ZC3H7A: variants seen among roughly 807,000 people sequenced by gnomAD.
ZC3H7A encodes the protein zinc finger CCCH domain-containing protein 7A.
Under a neutral mutation model 125.5 loss-of-function variants are expected in ZC3H7A, and 44 were observed. That is an observed-to-expected ratio of 0.35 (90% CI 0.28 to 0.45). The LOEUF is 0.45. Ranked by LOEUF, ZC3H7A falls within the 20% of genes least tolerant of loss-of-function variation. The pLI, the probability that ZC3H7A is intolerant of heterozygous loss-of-function variation, is 1.00. For synonymous variants in ZC3H7A, 399 were observed against 391.2 expected, an observed-to-expected ratio of 1.02 and a Z score of -0.23; for missense variants, 977 against 1,170.7, an observed-to-expected ratio of 0.83 and a Z score of 2.41.
chr16:11,780,251 G>C (rs1205423761), intron 3 of ZC3H7A, among the ~76,000 whole-genome samples: 2 of 151,600 alleles, frequency 1.3e-5, no homozygotes, highest in Non-Finnish European at 2.9e-5. Flanking sequence ...CTCCCGAGTA[G>C]CTGGGATTAC....
At chr16:11,787,669 G>A (rs2053279311) in intron 1 of ZC3H7A, among the ~76,000 whole-genome samples, 1 of 152,042 alleles carries the variant, frequency 6.6e-6, no homozygotes, top group Non-Finnish European at 1.5e-5. Context: ...GGACTGGCCA[G>A]GCACAGTGGC....
chr16:11,795,260 G>C (rs1256221861), intron 1 of ZC3H7A, among the ~76,000 whole-genome samples: 1 of 152,218 alleles, frequency 6.6e-6, no homozygotes, highest in East Asian at 1.9e-4. Flanking sequence ...TGGATTCTTT[G>C]AGAGCTTAAG....
chr16:11,795,710 T>TACAGACGTTGAGCC (rs1436879259), intron 1 of ZC3H7A, among the ~76,000 whole-genome samples: 14 of 152,088 alleles, frequency 9.2e-5, no homozygotes, highest in African/African-American at 3.4e-4. Context: ...GTGCTGGGAT[T>TACAGACGTTGAGCC]ACAGACGTTG....
In ZC3H7A at chr16:11,782,396, G is replaced by C. The variant is rs754755201; in HGVS notation, c.-34-8C>G. The C allele has an allele frequency of 2.5e-6, 4 of 1,612,106 alleles. No individual in the cohort carries two copies. Among genetic ancestry groups the C allele is most frequent in the Middle Eastern group, 1.7e-4 (1 of 6,048 alleles). ...ACTTTCTAAATGAGCAATCTGGAAA[G>C]AAACAAGGCAAAAAAGCACATAAGG... is the stretch of plus-strand genomic sequence containing the variant. On this transcript the variant is annotated splice_region_variant and splice_polypyrimidine_tract_variant and intron_variant, in intron 1 of 22. Coordinates refer to ENST00000355758, the MANE Select transcript of ZC3H7A (RefSeq NM_014153.4).
chr16:11,793,374 T>C (rs1347801645), intron 1 of ZC3H7A, among the ~76,000 whole-genome samples: 3 of 151,930 alleles, frequency 2.0e-5, no homozygotes, highest in South Asian at 4.1e-4. Flanking sequence ...TCTATAAAAA[T>C]GTTTAAAAAA....
At chr16:11,788,720 T>C (rs1379096441) in intron 1 of ZC3H7A, among the ~76,000 whole-genome samples, 1 of 151,756 alleles carries the variant, frequency 6.6e-6, no homozygotes, top group African/African-American at 2.4e-5. Context: ...TTCAAGCGAT[T>C]ATCCTGCCTC....
intron 1 of ZC3H7A, among the ~76,000 whole-genome samples, chr16:11,791,813 C>A (rs369318933): frequency 4.6e-5 from 7 of 152,306 alleles, no homozygotes; most frequent in African/African-American, 1.7e-4. Flanking sequence ...CGGAAAAAAA[C>A]CTGAAACCAT....
At chr16:11,761,705 T>G (rs981508874) in intron 18 of ZC3H7A, 194 bp from the exon 19 acceptor site, 3 of 854,010 alleles carry the variant, frequency 3.5e-6, no homozygotes, top group Non-Finnish European at 3.5e-6. Context: ...CTAAACAAAT[T>G]GATAAAATAC....
chr16:11,791,491 C>T (rs1306524109), intron 1 of ZC3H7A, among the ~76,000 whole-genome samples: 1 of 152,168 alleles, frequency 6.6e-6, no homozygotes, highest in Non-Finnish European at 1.5e-5. Flanking sequence ...CCCTCTTATT[C>T]ACTTCAGCAG....
intron 9 of ZC3H7A, among the ~76,000 whole-genome samples, chr16:11,772,756 G>T (rs2053008545): frequency 6.6e-6 from 1 of 151,110 alleles, no homozygotes; most frequent in Non-Finnish European, 1.5e-5. Flanking sequence ...GAGTGCAGTG[G>T]CATGATCTTG....
At chr16:11,755,239 G>A (rs1194689097) in intron 21 of ZC3H7A, among the ~76,000 whole-genome samples, 1 of 151,328 alleles carries the variant, frequency 6.6e-6, no homozygotes, top group Non-Finnish European at 1.5e-5. Flanking sequence ...GAATAAATGT[G>A]TCATCCTTAG....
intron 1 of ZC3H7A, 83 bp from the exon 2 acceptor site, chr16:11,782,471 TCA>T: frequency 8.8e-7 from 1 of 1,139,098 alleles, no homozygotes. Context: ...CCAGACCTTG[TCA>T]CACAATCAGC....
rs1425449076 is a variant in ZC3H7A, at chr16:11,763,557, A to G, written c.1923T>C (p.Tyr641=). 2 of 1,612,058 alleles carry G rather than the reference A, an allele frequency of 1.2e-6. No homozygotes were observed. The highest frequency in any genetic ancestry group is 1.7e-6 in the Non-Finnish European group (2 of 1,178,988). The part of the protein sequence containing the change: ...QLDLCRHEVR[Y]GCLREDECFY... ...AGCACTCATCTTCCCTTAAACAGCC[A>G]TACCGAACTTCATGTCGACATAAAT... The change falls in exon 16 of 23, where the codon TAT becomes TAC. Residue 641 remains tyrosine (Y), a synonymous_variant. Transcript: ENST00000355758.
At chr16:11,781,358 C>T in intron 3 of ZC3H7A, 67 bp downstream of exon 3, 2 of 1,507,740 alleles carry the variant, frequency 1.3e-6, no homozygotes, top group East Asian at 2.3e-5. Flanking sequence ...TTTGCCAACC[C>T]CTGCTACAAA....
At position 11,765,722 on chromosome 16, in the gene ZC3H7A, G is replaced by T. The variant is rs754146736; in HGVS notation, c.1523-37C>A. The T allele has an allele frequency of 6.3e-7, 1 of 1,591,230 alleles. No individual in the cohort carries two copies. Among genetic ancestry groups the T allele is most frequent in the Non-Finnish European group, 8.6e-7 (1 of 1,166,220 alleles). On this transcript the variant is annotated intron_variant, in intron 13 of 22. Transcript: ENST00000355758. The surrounding 1 kb of genome is among the most constrained non-coding windows in gnomAD (Gnocchi z 4.8). ...GGGAATGGACAGACATTGAAAACAT[G>T]GCAATTGGCCTGTACTCCCAGCTAC...
rs779834277 is a variant in ZC3H7A at position 11,770,951 on chromosome 16, T to G, written c.940A>C (p.Ser314Arg). ...ALVRGPLQTASVSPSMPFSAS... is the reference protein window; with the variant it reads ...ALVRGPLQTARVSPSMPFSAS... The stretch of plus-strand genomic sequence containing the variant: ...GAAAAGGGCATGCTAGGAGAGACAC[T>G]GGCTGTCTGAAGGGGTCCTCTGACT... Residue 314 changes from serine (S) to arginine (R), a missense_variant, in exon 10 of 23, where the codon AGT becomes CGT. By Grantham distance (110) the Ser-to-Arg change is moderately radical. Coordinates refer to ENST00000355758, the MANE Select transcript of ZC3H7A (RefSeq NM_014153.4). The G allele has an allele frequency of 3.7e-6, 6 of 1,613,464 alleles. No homozygotes were observed. Among genetic ancestry groups the G allele is most frequent in the Non-Finnish European group, 5.1e-6 (6 of 1,179,744 alleles).
intron 1 of ZC3H7A, among the ~76,000 whole-genome samples, chr16:11,783,190 T>C (rs2053201486): frequency 6.6e-6 from 1 of 152,190 alleles, no homozygotes; most frequent in African/African-American, 2.4e-5. Context: ...CTTATACATA[T>C]TTTGTCCCAC....
At chr16:11,754,354 A>G (rs928469629) in intron 21 of ZC3H7A, among the ~76,000 whole-genome samples, 1 of 149,716 alleles carries the variant, frequency 6.7e-6, no homozygotes, top group African/African-American at 2.4e-5. Flanking sequence ...ATAAACACCA[A>G]GGAGCACTTA....
At chr16:11,789,657 C>T (rs1421694408) in intron 1 of ZC3H7A, among the ~76,000 whole-genome samples, 3 of 152,296 alleles carry the variant, frequency 2.0e-5, no homozygotes, top group East Asian at 1.9e-4. Context: ...AAACACACAG[C>T]GTTCCATGAT....
Sources: allele counts gnomAD v4.1 joint callset (sites outside exome capture counted in the v4.1 genomes callset), GRCh38; gene constraint gnomAD v4.1.1; non-coding constraint Gnocchi (gnomAD v3.1); transcripts MANE v1.5; gene names NCBI Gene and HGNC (gene_info 2026-07-23, HGNC 2026-07-21).